The following JAKMIP3 variants were observed in gnomAD, a reference collection of about 807,000 sequenced individuals.
JAKMIP3 encodes Janus kinase and microtubule interacting protein 3.
Under a neutral mutation model 118.5 loss-of-function variants are expected in JAKMIP3, and 58 were observed. That is an observed-to-expected ratio of 0.49 (90% CI 0.40 to 0.61). The LOEUF is 0.61. JAKMIP3 is among the 20% of genes least tolerant of loss of function. JAKMIP3 has a pLI of 0.00. For missense variants in JAKMIP3, 950 were observed against 1,109.0 expected, an observed-to-expected ratio of 0.86 and a Z score of 2.04; for synonymous variants, 486 against 451.2, an observed-to-expected ratio of 1.08 and a Z score of -0.98.
chr10:132,130,343 C>T (rs1032607041), intron 3 of JAKMIP3, among the ~76,000 whole-genome samples: 8 of 152,240 alleles, frequency 5.3e-5, no homozygotes, highest in Non-Finnish European at 1.0e-4. Flanking sequence ...GAAAACAAGC[C>T]CCAGCTAGGA....
At chr10:132,134,744 A>G (rs1260939878) in intron 4 of JAKMIP3, among the ~76,000 whole-genome samples, 1 of 152,202 alleles carries the variant, frequency 6.6e-6, no homozygotes, top group Non-Finnish European at 1.5e-5. Flanking sequence ...CTCCATCTGC[A>G]TACTTCTAGA....
rs1179626299 is a variant in JAKMIP3 at position 132,169,045 on chromosome 10, C to CA, written c.*1103+13dup. 6.5e-6 allele frequency: 1 copy of CA among 154,018 alleles called. No homozygotes were observed. The highest frequency in any genetic ancestry group is 1.4e-5 in the Non-Finnish European group (1 of 69,318). 9.5% of individuals were successfully genotyped at this position (154,018 alleles called of 1,614,324 possible). A position where few individuals can be genotyped will look rare whatever the true frequency, so the allele number is the denominator to read the frequency against. On this transcript the variant is annotated intron_variant, in intron 23 of 23. Transcript: ENST00000684848. ...CAAGAGGCTGACAGGTAAGGGCTGCCATCTGTCCGCGGGGAGGGCCTTTGC... is the reference window on the plus strand; with the variant it reads ...CAAGAGGCTGACAGGTAAGGGCTGCCAATCTGTCCGCGGGGAGGGCCTTTGC...
rs1241981082 is a variant in JAKMIP3, at chr10:132,112,929, A to G, written c.136-4148A>G. ...TGCTCCATTCTTTCCTACTCCTTAG[A>G]AAAAAATAGACAGTTCTCATCAGAG... On this transcript the variant is annotated intron_variant, in intron 2 of 23. Transcript: ENST00000684848. This position sits in a 1 kb window ranked among gnomAD's most constrained non-coding sequence, Gnocchi z 4.3. Among the ~76,000 whole-genome samples the G allele has an allele frequency of 6.6e-6, 1 of 152,108 alleles. No individual in the cohort carries two copies. Among genetic ancestry groups the G allele is most frequent in the Non-Finnish European group, 1.5e-5 (1 of 68,026 alleles).
chr10:132,145,013 CAA>C, intron 11 of JAKMIP3, 92 bp from the exon 12 acceptor site: 1 of 1,014,510 alleles, frequency 9.9e-7, no homozygotes, highest in Non-Finnish European at 1.5e-6. Context: ...TGAACTGAAC[CAA>C]AAGACAGACC....
intron 1 of JAKMIP3, among the ~76,000 whole-genome samples, chr10:132,058,248 C>T (rs2038298624): frequency 6.6e-6 from 1 of 152,176 alleles, no homozygotes; most frequent in South Asian, 2.1e-4. Flanking sequence ...TCATTTGGCA[C>T]CCATGGGTGG....
intron 23 of JAKMIP3, among the ~76,000 whole-genome samples, chr10:132,174,049 TGTG>T (rs2136952695): frequency 6.6e-6 from 1 of 151,898 alleles, no homozygotes; most frequent in South Asian, 2.1e-4. Flanking sequence ...GTGGTGTGCC[TGTG>T]GTGGTCTCTG....
chr10:132,084,682 C>T (rs1172667508), intron 1 of JAKMIP3, among the ~76,000 whole-genome samples: 3 of 152,146 alleles, frequency 2.0e-5, no homozygotes. Flanking sequence ...TCAGCTTTTT[C>T]CCATTCAGTC....
upstream of JAKMIP3, among the ~76,000 whole-genome samples, chr10:132,060,681 G>A (rs1284303322): frequency 6.6e-6 from 1 of 152,156 alleles, no homozygotes; most frequent in African/African-American, 2.4e-5. Flanking sequence ...ATAAAGATTG[G>A]AAAGAAACAA....
chr10:132,162,210 G>A (rs1156410788), intron 19 of JAKMIP3, among the ~76,000 whole-genome samples: 5 of 152,206 alleles, frequency 3.3e-5, no homozygotes, highest in African/African-American at 4.8e-5. Flanking sequence ...GGCTAGTGCC[G>A]ACTTTGCCTC....
upstream of JAKMIP3, among the ~76,000 whole-genome samples, chr10:132,065,413 A>G (rs2038638818): frequency 6.9e-6 from 1 of 144,834 alleles, no homozygotes; most frequent in African/African-American, 2.6e-5. The surrounding 1 kb of genome is among the most constrained non-coding windows in gnomAD (Gnocchi z 5.6). Context: ...GACATTTAAA[A>G]TAGATACCCT....
At chr10:132,087,347 T>TC (rs2042531933) in intron 1 of JAKMIP3, among the ~76,000 whole-genome samples, 1 of 148,648 alleles carries the variant, frequency 6.7e-6, no homozygotes, top group Middle Eastern at 3.4e-3. Flanking sequence ...TAGGCGATGA[T>TC]CTTTTGGGGA....
At chr10:132,067,583 TGACTGTGGACTTCCGTGTG>T (rs1477200969) in intron 1 of JAKMIP3, among the ~76,000 whole-genome samples, 3 of 151,844 alleles carry the variant, frequency 2.0e-5, no homozygotes, top group African/African-American at 7.3e-5. Flanking sequence ...AGGTTGATCT[TGACTGTGGACTTCCGTGTG>T]GACTGTGGGC....
intron 4 of JAKMIP3, 84 bp downstream of exon 4, chr10:132,133,611 C>G (rs975027682): frequency 1.6e-6 from 2 of 1,282,628 alleles, no homozygotes; most frequent in Non-Finnish European, 2.2e-6. Flanking sequence ...ATGGGCCACT[C>G]CCCCAGGAGA....
chr10:132,176,293 G>T (rs556602063), intron 23 of JAKMIP3, among the ~76,000 whole-genome samples: 52 of 152,342 alleles, frequency 3.4e-4, no homozygotes, highest in African/African-American at 1.2e-3. Context: ...CGTTGCATTT[G>T]CATGGCAGAA....
In JAKMIP3 at chr10:132,117,794, C is replaced by G. The variant is rs2047946457; in HGVS notation, c.633+220C>G. Among the ~76,000 whole-genome samples, 1 of 152,162 alleles carries G rather than the reference C, an allele frequency of 6.6e-6. No homozygotes were observed. Among genetic ancestry groups the G allele is most frequent in the Non-Finnish European group, 1.5e-5 (1 of 68,024 alleles). On this transcript the variant is annotated intron_variant, in intron 3 of 23. Coordinates refer to ENST00000684848, the MANE Select transcript of JAKMIP3 (RefSeq NM_001323087.2). The surrounding 1 kb of genome is among the most constrained non-coding windows in gnomAD (Gnocchi z 8.6). Reference sequence around the variant, plus strand: ...GAGACCACTAGAAAAGGTTCAGACCCACAGTCAGGCCCGCACGGGGCAGGC... The same window carrying G: ...GAGACCACTAGAAAAGGTTCAGACCGACAGTCAGGCCCGCACGGGGCAGGC...
chr10:132,145,575 GA>G lies in JAKMIP3; in HGVS notation c.1748del (p.Lys583ArgfsTer66), dbSNP rs1164535247. 2 of 1,562,360 alleles carry G rather than the reference GA, an allele frequency of 1.3e-6. No individual in the cohort carries two copies. The highest frequency in any genetic ancestry group is 1.2e-5 in the South Asian group (1 of 84,614). ...GTACCGGAGAAATCAAGAGCTTGTG[GA>G]AAAGGTGAGCCCCGAACCCCTGGAG... ...ALYRRNQELV[E>X]KIKQMETEEA... is the part of the protein sequence containing the mutation. On this transcript the variant is annotated frameshift_variant, in exon 13 of 24. Transcript: ENST00000684848. LOFTEE classifies it high-confidence loss of function.
intron 8 of JAKMIP3, 128 bp from the exon 9 acceptor site, chr10:132,137,991 T>C: frequency 1.4e-6 from 1 of 737,892 alleles, no homozygotes; most frequent in Non-Finnish European, 2.1e-6. Flanking sequence ...CGCTGTGGTG[T>C]GGGGACAAGC....
intron 2 of JAKMIP3, 82 bp downstream of exon 2, chr10:132,105,025 T>A: frequency 6.8e-7 from 1 of 1,475,862 alleles, no homozygotes; most frequent in South Asian, 1.3e-5. Context: ...CTGGAGTGGG[T>A]TTGGCCAGAT....
rs1554951000 is a variant in JAKMIP3, at chr10:132,149,554, TCCCCCGCCCCACCCCCTCTCCG to T, written c.1947+61_1947+82del. 1.0e-4 allele frequency: 53 copies of T among 530,946 alleles called. 1 individual carries two copies. The highest frequency in any genetic ancestry group is 4.0e-4 in the East Asian group (6 of 14,964). The allele number at this position is 530,946 out of a possible 1,614,324, so 32.9% of individuals were successfully genotyped here. The stretch of plus-strand genomic sequence containing the variant: ...GCCCACTCCGCCCCCACCTCACCCA[TCCCCCGCCCCACCCCCTCTCCG>T]CCCCCGCCCCACCCCCCTCCGCCCC... On this transcript the variant is annotated intron_variant, in intron 15 of 23. Transcript: ENST00000684848.
Sources: allele counts gnomAD v4.1 joint callset (sites outside exome capture counted in the v4.1 genomes callset), GRCh38; gene constraint gnomAD v4.1.1; non-coding constraint Gnocchi (gnomAD v3.1); transcripts MANE v1.5; gene names NCBI Gene and HGNC (gene_info 2026-07-23, HGNC 2026-07-21).